Variants in WDSUB1 observed in about 807,000 individuals in gnomAD.
The protein encoded by WDSUB1 is WD repeat, sterile alpha motif and U-box domain containing 1, also known as WD repeat, SAM and U-box domain-containing protein 1.
WDSUB1 carries 49 observed loss-of-function variants against 53.9 expected under a neutral mutation model. The observed-to-expected ratio is 0.91, with a 90% CI of 0.72 to 1.15. The LOEUF is 1.15. Among genes scored for constraint, WDSUB1 ranks in the 50% most tolerant of loss-of-function variants. The pLI is 0.00. For synonymous variants in WDSUB1, 194 were observed against 200.6 expected (o/e 0.97, Z 0.28); for missense variants, 514 against 562.0 (o/e 0.91, Z 0.86).
chr2:159,254,952 G>C (rs1434538415), intron 9 of WDSUB1, among the ~76,000 whole-genome samples: 1 of 152,156 alleles, frequency 6.6e-6, no homozygotes, highest in Non-Finnish European at 1.5e-5. Context: ...GCAATAGAGA[G>C]ACCTCATCTC....
chr2:159,250,565 A>G (rs2060928678), intron 9 of WDSUB1, among the ~76,000 whole-genome samples: 1 of 152,188 alleles, frequency 6.6e-6, no homozygotes, highest in African/African-American at 2.4e-5. Flanking sequence ...TGGTCATGAC[A>G]GTTTATCGAG....
At chr2:159,280,547 C>T (rs919250572) in intron 2 of WDSUB1, among the ~76,000 whole-genome samples, 3 of 149,558 alleles carry the variant, frequency 2.0e-5, no homozygotes, top group South Asian at 2.1e-4. Flanking sequence ...AAAAATTAGC[C>T]GGGCGTAGTG....
chr2:159,239,869 G>A (rs981856223), intron 10 of WDSUB1, among the ~76,000 whole-genome samples: 1 of 152,206 alleles, frequency 6.6e-6, no homozygotes, highest in Non-Finnish European at 1.5e-5. Context: ...AGAGACTGAG[G>A]TTCTGAGAAA....
intron 10 of WDSUB1, among the ~76,000 whole-genome samples, chr2:159,245,088 T>C (rs1296879440): frequency 6.6e-6 from 1 of 152,178 alleles, no homozygotes; most frequent in East Asian, 1.9e-4. Flanking sequence ...AACTAATCTA[T>C]AGATTAAACA....
intron 1 of WDSUB1, among the ~76,000 whole-genome samples, chr2:159,284,868 C>G (rs1017548653): frequency 6.6e-6 from 1 of 152,168 alleles, no homozygotes; most frequent in Admixed American, 6.5e-5. Flanking sequence ...AACAGTCTTC[C>G]GTCTCCATAA....
intron 9 of WDSUB1, among the ~76,000 whole-genome samples, chr2:159,255,837 A>G (rs2061050496): frequency 6.6e-6 from 1 of 152,216 alleles, no homozygotes; most frequent in African/African-American, 2.4e-5. Context: ...TTAGAGCATG[A>G]TATCAAAACT....
At chr2:159,262,153 A>C (rs2061240983) in intron 5 of WDSUB1, among the ~76,000 whole-genome samples, 1 of 151,508 alleles carries the variant, frequency 6.6e-6, no homozygotes, top group Non-Finnish European at 1.5e-5. Flanking sequence ...CAAAAACAAA[A>C]CCCCAAAATT....
chr2:159,250,038 G>C lies in WDSUB1; in HGVS notation c.1133-1526C>G, dbSNP rs369690780. Among the ~76,000 whole-genome samples, 335 of 145,172 alleles carry C rather than the reference G, an allele frequency of 2.3e-3. 3 individuals are homozygous for C. The highest frequency in any genetic ancestry group is 8.1e-3 in the African/African-American group (324 of 40,168). Reference sequence around the variant, plus strand: ...CAGGAGGCGGAGGTTGCAGTGAGCTGAGATGGCGCCACTGCATTCCAGCCT... The same window carrying C: ...CAGGAGGCGGAGGTTGCAGTGAGCTCAGATGGCGCCACTGCATTCCAGCCT... On this transcript the variant is annotated intron_variant, in intron 9 of 10. Coordinates refer to ENST00000359774, the MANE Select transcript of WDSUB1 (RefSeq NM_001128212.3).
chr2:159,272,516 T>A (rs1367703412), intron 4 of WDSUB1, among the ~76,000 whole-genome samples: 2 of 152,202 alleles, frequency 1.3e-5, no homozygotes. Flanking sequence ...TTACCCTGTC[T>A]CACATTTCAA....
intron 4 of WDSUB1, among the ~76,000 whole-genome samples, chr2:159,275,281 T>C (rs1227179595): frequency 6.6e-6 from 1 of 152,192 alleles, no homozygotes; most frequent in African/African-American, 2.4e-5. Flanking sequence ...TTACAGAAAC[T>C]GTGAAAACCA....
At chr2:159,254,416 C>T (rs1204273612) in intron 9 of WDSUB1, among the ~76,000 whole-genome samples, 1 of 151,854 alleles carries the variant, frequency 6.6e-6, no homozygotes, top group East Asian at 1.9e-4. Flanking sequence ...TAAAAATTAG[C>T]CAGGCATGGT....
intron 10 of WDSUB1, among the ~76,000 whole-genome samples, chr2:159,239,375 C>T (rs1488418994): frequency 6.7e-6 from 1 of 149,042 alleles, no homozygotes; most frequent in East Asian, 2.0e-4. Flanking sequence ...CTTTTAAGTG[C>T]TTTGGTTCAC....
Position 159,259,347 on chromosome 2 carries a change from A to G in WDSUB1, c.804+463T>C, listed in dbSNP as rs74885475. The stretch of plus-strand genomic sequence containing the variant: ...GCCACAACTTGGTCTTTACCCACAC[A>G]TGGATCAGTAAAAAACTCCCATTTT... On this transcript the variant is annotated intron_variant, in intron 6 of 10. Transcript: ENST00000359774. Among the ~76,000 whole-genome samples the G allele has an allele frequency of 5.7e-3, 861 of 152,150 alleles. 6 individuals are homozygous for G. Among genetic ancestry groups the G allele is most frequent in the African/African-American group, 0.019 (796 of 41,514 alleles).
Position 159,286,648 on chromosome 2 carries a change from G to T in WDSUB1, c.-90C>A, listed in dbSNP as rs902055065. 1 of 152,608 alleles carries T rather than the reference G, an allele frequency of 6.6e-6. No homozygotes were observed. The allele number at this position is 152,608 out of a possible 1,614,324, so 9.5% of individuals were successfully genotyped here. A position where few individuals can be genotyped will look rare whatever the true frequency, so the allele number is the denominator to read the frequency against. On this transcript the variant is annotated 5_prime_UTR_variant, in exon 1 of 11. Transcript: ENST00000359774. ...CCACGGGCGGTGCGGGTCACGTGCC[G>T]CGCAGGTGAGGCTGGCGGGGCGGGC...
At chr2:159,280,572 T>A (rs1236312248) in intron 2 of WDSUB1, among the ~76,000 whole-genome samples, 1 of 147,870 alleles carries the variant, frequency 6.8e-6, no homozygotes, top group Non-Finnish European at 1.5e-5. Context: ...GCGCCTGTAG[T>A]CCCAGCTACT....
chr2:159,251,111 T>TAAAAAAAAAAAAAAAAAAAAAAAA (rs1553627595), intron 9 of WDSUB1, among the ~76,000 whole-genome samples: 1 of 99,700 alleles, frequency 1.0e-5, no homozygotes, highest in Admixed American at 1.0e-4. Context: ...AAAAAAATTT[T>TAAAAAAAAAAAAAAAAAAAAAAAA]AAAAATTAGC....
At chr2:159,269,884 C>G (rs542246361) in intron 5 of WDSUB1, among the ~76,000 whole-genome samples, 1 of 152,164 alleles carries the variant, frequency 6.6e-6, no homozygotes, top group Non-Finnish European at 1.5e-5. Context: ...AAGCTTATCT[C>G]CCCAAAACCT....
At position 159,279,463 on chromosome 2, in the gene WDSUB1, T is replaced by G. The variant is rs143755438; in HGVS notation, c.583+298A>C. Among the ~76,000 whole-genome samples, 11 of 152,280 alleles carry G rather than the reference T, an allele frequency of 7.2e-5. 1 individual carries two copies. In the East Asian group the frequency reaches 2.1e-3, roughly 29 times the overall value. Reference sequence around the variant, plus strand: ...GGGTTAGGTCCTCTAAATTGCCATATCCAAGGAATCTGAATCTGTTGTACC... The same window carrying G: ...GGGTTAGGTCCTCTAAATTGCCATAGCCAAGGAATCTGAATCTGTTGTACC... On this transcript the variant is annotated intron_variant, in intron 3 of 10. Transcript: ENST00000359774.
chr2:159,250,338 A>G (rs1309967606), intron 9 of WDSUB1, among the ~76,000 whole-genome samples: 2 of 152,258 alleles, frequency 1.3e-5, no homozygotes, highest in African/African-American at 4.8e-5. Flanking sequence ...GTCACAAACA[A>G]ATCAATGATT....
Sources: allele counts gnomAD v4.1 joint callset (sites outside exome capture counted in the v4.1 genomes callset), GRCh38; gene constraint gnomAD v4.1.1; transcripts MANE v1.5; gene names NCBI Gene and HGNC (gene_info 2026-07-23, HGNC 2026-07-21).